Variants in MOGAT1 observed in about 807,000 individuals in gnomAD.
MOGAT1 encodes the protein 2-acylglycerol O-acyltransferase 1.
Under a neutral mutation model 31.4 loss-of-function variants are expected in MOGAT1, and 32 were observed. The ratio of observed to expected loss-of-function variants is 1.02; its 90% CI spans 0.77 to 1.37. MOGAT1 has a LOEUF of 1.37. Among genes scored for constraint, MOGAT1 ranks in the 40% most tolerant of loss-of-function variants. The pLI, the probability that MOGAT1 is intolerant of heterozygous loss-of-function variation, is 0.00. For missense variants in MOGAT1, 426 were observed against 402.0 expected, an observed-to-expected ratio of 1.06 and a Z score of -0.51; for synonymous variants, 145 against 144.5, an observed-to-expected ratio of 1.00 and a Z score of -0.03.
intron 5 of MOGAT1, among the ~76,000 whole-genome samples, chr2:222,696,477 A>G (rs1448874467): frequency 6.6e-6 from 1 of 152,212 alleles, no homozygotes; most frequent in East Asian, 1.9e-4. Flanking sequence ...GTAAGGTGGT[A>G]TCGCATTATG....
chr2:222,688,344 G>A lies in MOGAT1; in HGVS notation c.95G>A (p.Gly32Glu). The A allele has an allele frequency of 6.2e-7, 1 of 1,603,576 alleles. No homozygotes were observed. The highest frequency in any genetic ancestry group is 8.5e-7 in the Non-Finnish European group (1 of 1,175,300). ...CATGAGACTTTTTCTTTTCTTACAGGGCCGATGTCCATTGGAATCACTGTG... is the reference window on the plus strand; with the variant it reads ...CATGAGACTTTTTCTTTTCTTACAGAGCCGATGTCCATTGGAATCACTGTG... ...LQWVLKYLLL[G>E]PMSIGITVML... Residue 32 changes from glycine (G) to glutamate (E), a missense_variant and splice_region_variant, in exon 2 of 6, where the codon GGG becomes GAG. Transcript: ENST00000446656.
At chr2:222,700,457 C>T (rs531841854) in intron 5 of MOGAT1, among the ~76,000 whole-genome samples, 1 of 152,328 alleles carries the variant, frequency 6.6e-6, no homozygotes, top group African/African-American at 2.4e-5. Context: ...TCAGTCCCTC[C>T]CTCTACTTAC....
At chr2:222,694,562 G>A (rs775621559) in intron 4 of MOGAT1, 26 bp downstream of exon 4, 11 of 1,604,420 alleles carry the variant, frequency 6.9e-6, no homozygotes, top group Non-Finnish European at 2.6e-6. Flanking sequence ...TATAAAGTAG[G>A]GGGTCAGAAA....
At chr2:222,688,560 A>C in intron 2 of MOGAT1, 38 bp downstream of exon 2, 1 of 1,468,752 alleles carries the variant, frequency 6.8e-7, no homozygotes, top group African/African-American at 1.4e-5. Flanking sequence ...ATTTTGATTT[A>C]GGAGAAGAGT....
intron 1 of MOGAT1, among the ~76,000 whole-genome samples, chr2:222,674,553 C>G (rs2106029797): frequency 1.3e-5 from 2 of 152,020 alleles, no homozygotes; most frequent in South Asian, 4.2e-4. Context: ...ATTTCATCAC[C>G]ACAATAATTG....
intron 1 of MOGAT1, among the ~76,000 whole-genome samples, chr2:222,672,726 G>C (rs960553813): frequency 6.6e-6 from 1 of 151,886 alleles, no homozygotes; most frequent in African/African-American, 2.4e-5. Flanking sequence ...CGTTGGGGTG[G>C]TAATAATAGT....
chr2:222,678,024 C>T lies in MOGAT1; in HGVS notation c.94+6145C>T, dbSNP rs181280720. ...GTGACTCAAAAGACCAACAGGAAGC[C>T]CTCACCAGTTTTGATATTCTGTTGT... On this transcript the variant is annotated intron_variant, in intron 1 of 5. Coordinates refer to ENST00000446656, the MANE Select transcript of MOGAT1 (RefSeq NM_058165.3). 2.2e-3 allele frequency: 540 copies of T among 249,304 alleles called. 3 individuals are homozygous for T. The highest frequency in any genetic ancestry group is 5.8e-3 in the South Asian group (93 of 15,960). 15.4% of individuals were successfully genotyped at this position (249,304 alleles called of 1,614,324 possible). A position where few individuals can be genotyped will look rare whatever the true frequency, so the allele number is the denominator to read the frequency against.
In MOGAT1 at chr2:222,689,278, A is replaced by G. The variant is rs1430689663; in HGVS notation, c.287A>G (p.Gln96Arg). 2.5e-6 allele frequency: 4 copies of G among 1,613,058 alleles called. No homozygotes were observed. The African/African-American group carries it at 5.3e-5, about 22-fold the overall frequency. ...AATGTGCTGTAGCTTATCAAAACTC[A>G]AGATTTGGATCCAAGTCACAACTAT... Reference protein sequence around the residue: ...DYFPIHLIKTQDLDPSHNYIF... With the variant: ...DYFPIHLIKTRDLDPSHNYIF... The change falls in exon 3 of 6, where the codon CAA becomes CGA. Residue 96 changes from glutamine (Q) to arginine (R), a missense_variant. By Grantham distance (43) the Gln-to-Arg change is conservative. Coordinates refer to ENST00000446656, the MANE Select transcript of MOGAT1 (RefSeq NM_058165.3).
intron 1 of MOGAT1, among the ~76,000 whole-genome samples, chr2:222,678,584 T>C (rs1224139024): frequency 6.6e-6 from 1 of 152,224 alleles, no homozygotes; most frequent in African/African-American, 2.4e-5. Context: ...AGTTTTAATT[T>C]TGATGAAGTT....
chr2:222,694,232 C>A, intron 3 of MOGAT1, 130 bp from the exon 4 acceptor site: 1 of 782,016 alleles, frequency 1.3e-6, no homozygotes, highest in Non-Finnish European at 2.0e-6. Context: ...TACAAACTTA[C>A]AAAGTGCTCC....
At chr2:222,688,876 G>C (rs1289724301) in intron 2 of MOGAT1, among the ~76,000 whole-genome samples, 2 of 152,188 alleles carry the variant, frequency 1.3e-5, no homozygotes, top group Non-Finnish European at 2.9e-5. Context: ...ACCCACTTCT[G>C]TGATAATGGC....
chr2:222,688,290 G>T (rs777506530), intron 1 of MOGAT1, 54 bp from the exon 2 acceptor site: 9 of 1,446,908 alleles, frequency 6.2e-6, no homozygotes, highest in Non-Finnish European at 8.4e-6. Context: ...ATGGGCCACT[G>T]CAGTGAGCAG....
intron 1 of MOGAT1, among the ~76,000 whole-genome samples, chr2:222,682,716 T>A (rs1692602553): frequency 6.6e-6 from 1 of 152,084 alleles, no homozygotes; most frequent in South Asian, 2.1e-4. Flanking sequence ...CAGATTACAG[T>A]GTATATGTAA....
chr2:222,688,973 A>G (rs996547475), intron 2 of MOGAT1, among the ~76,000 whole-genome samples: 1 of 152,212 alleles, frequency 6.6e-6, no homozygotes, highest in Non-Finnish European at 1.5e-5. Flanking sequence ...TTAAGTTTTT[A>G]AACACTTACT....
chr2:222,700,739 C>T (rs1220473124), intron 5 of MOGAT1, among the ~76,000 whole-genome samples: 1 of 152,040 alleles, frequency 6.6e-6, no homozygotes, highest in Non-Finnish European at 1.5e-5. Context: ...AAAAGTAAAG[C>T]CATGTGTCAA....
At chr2:222,683,348 G>T (rs1386856203) in intron 1 of MOGAT1, among the ~76,000 whole-genome samples, 1 of 151,584 alleles carries the variant, frequency 6.6e-6, no homozygotes, top group East Asian at 1.9e-4. Flanking sequence ...GGTAGTAGTT[G>T]TACAACATTG....
At chr2:222,680,839 T>G (rs945693853) in intron 1 of MOGAT1, among the ~76,000 whole-genome samples, 1 of 152,220 alleles carries the variant, frequency 6.6e-6, no homozygotes, top group Non-Finnish European at 1.5e-5. Flanking sequence ...TCTTAAATTA[T>G]TTCTTAATTA....
chr2:222,686,552 T>A (rs1327364663), intron 1 of MOGAT1, among the ~76,000 whole-genome samples: 1 of 152,052 alleles, frequency 6.6e-6, no homozygotes, highest in Non-Finnish European at 1.5e-5. Context: ...CAGATCTGGA[T>A]AGAAGAAAGC....
Position 222,709,684 on chromosome 2 carries a change from T to C in MOGAT1, c.854-52T>C, listed in dbSNP as rs1335645542. On this transcript the variant is annotated intron_variant, in intron 5 of 5. Coordinates refer to ENST00000446656, the MANE Select transcript of MOGAT1 (RefSeq NM_058165.3). ...CAGCTGTGCATTAGGGGCGGCGGTC[T>C]GTGGTGGAGTGGTTTTAGTTCCTCA... 7.1e-6 allele frequency: 11 copies of C among 1,555,808 alleles called. No individual in the cohort carries two copies. In the Admixed American group the frequency reaches 1.6e-4, roughly 23 times the overall value.
Sources: gnomAD v4.1 joint callset for allele counts (sites outside exome capture counted in the v4.1 genomes callset) on GRCh38, gnomAD v4.1.1 for gene constraint, MANE v1.5 for transcripts, NCBI Gene and HGNC (gene_info 2026-07-23, HGNC 2026-07-21) for gene names.